Variants in FAM83F observed in about 807,000 individuals in gnomAD.
FAM83F encodes the protein scaffolding CK1 anchoring protein F, also known as protein FAM83F.
A neutral mutation model predicts 42.9 loss-of-function variants in FAM83F; 45 were observed. The observed-to-expected ratio is 1.05, with a 90% CI of 0.83 to 1.35. The LOEUF (loss-of-function observed/expected upper bound fraction) is 1.35. Ranked by LOEUF, FAM83F falls within the 40% of genes most tolerant of loss-of-function variation. FAM83F has a pLI of 0.00. For missense variants in FAM83F, 617 were observed against 695.9 expected (o/e 0.89, Z 1.28); for synonymous variants, 306 against 298.3 (o/e 1.03, Z -0.27).
intron 4 of FAM83F, among the ~76,000 whole-genome samples, chr22:40,024,569 T>C (rs972021565): frequency 2.0e-5 from 3 of 152,226 alleles, no homozygotes; most frequent in Admixed American, 6.5e-5. Flanking sequence ...TGGCTCTCAA[T>C]TCGGGACACA....
chr22:40,003,649 G>A (rs2145709084), intron 1 of FAM83F, among the ~76,000 whole-genome samples: 1 of 152,124 alleles, frequency 6.6e-6, no homozygotes, highest in East Asian at 1.9e-4. Context: ...GCCGGCCTCA[G>A]CTGGAGCTGC....
chr22:40,019,729 G>A (rs746729600), intron 2 of FAM83F, among the ~76,000 whole-genome samples, 158 bp from the exon 3 acceptor site: 1 of 152,186 alleles, frequency 6.6e-6, no homozygotes, highest in Non-Finnish European at 1.5e-5. Flanking sequence ...CGCCAAAGAG[G>A]GTTCCCTATG....
rs142546427 is a variant in FAM83F, at chr22:40,017,026, A to T, written c.490-2142A>T. Reference sequence around the variant, plus strand: ...TTAAAAGGTCTCTGATTCCTCAGATAAAACTTTTTTTTGTTTGTTTTTGTT... The same window carrying T: ...TTAAAAGGTCTCTGATTCCTCAGATTAAACTTTTTTTTGTTTGTTTTTGTT... On this transcript the variant is annotated intron_variant, in intron 1 of 4. Transcript: ENST00000333407. Among the ~76,000 whole-genome samples, 42 of 152,134 alleles carry T rather than the reference A, an allele frequency of 2.8e-4. No homozygotes were observed. The East Asian group carries it at 7.5e-3, about 27-fold the overall frequency.
chr22:40,027,090 A>G (rs138040424), intron 4 of FAM83F, among the ~76,000 whole-genome samples: 44 of 152,110 alleles, frequency 2.9e-4, no homozygotes, highest in African/African-American at 1.1e-3. Context: ...CCTTGCTTTT[A>G]TGGAGCATGT....
rs1279406849 is a variant in FAM83F at position 40,029,666 on chromosome 22, G to A, written c.*101G>A. On this transcript the variant is annotated 3_prime_UTR_variant, in exon 5 of 5. Transcript: ENST00000333407. ...CACTGCACCAGTTTGCACATCAGAC[G>A]CCAACTGGCCTTCTGCCCTGCAGCC... The A allele has an allele frequency of 1.5e-5, 23 of 1,498,842 alleles. No homozygotes were observed. The highest frequency in any genetic ancestry group is 2.8e-5 in the African/African-American group (2 of 72,102). The allele number at this position is 1,498,842 out of a possible 1,614,324, so 92.8% of individuals were successfully genotyped here.
chr22:40,025,335 C>G (rs1203367087), intron 4 of FAM83F, among the ~76,000 whole-genome samples: 1 of 152,192 alleles, frequency 6.6e-6, no homozygotes, highest in African/African-American at 2.4e-5. Context: ...AGGAGGATCA[C>G]TTGAGCCTGG....
Position 40,023,239 on chromosome 22 carries a change from AGTAAGG to A in FAM83F, c.1453+1277_1453+1282del, listed in dbSNP as rs2145721410. Among the ~76,000 whole-genome samples, 1 of 152,306 alleles carries A rather than the reference AGTAAGG, an allele frequency of 6.6e-6. No homozygotes were observed. The highest frequency in any genetic ancestry group is 1.9e-4 in the East Asian group (1 of 5,164). The stretch of plus-strand genomic sequence containing the variant: ...GTGGTCCCAGGTCACAGGAAGTGGT[AGTAAGG>A]CCAGGATTCAAGACCAGGCATGGGC... On this transcript the variant is annotated intron_variant, in intron 4 of 4. Coordinates refer to ENST00000333407, the MANE Select transcript of FAM83F (RefSeq NM_138435.4). This position sits in a 1 kb window ranked among gnomAD's most constrained non-coding sequence, Gnocchi z 4.1.
chr22:40,019,371 G>A (rs1455651793), intron 2 of FAM83F, 36 bp downstream of exon 2: 1 of 1,600,988 alleles, frequency 6.2e-7, no homozygotes, highest in Non-Finnish European at 8.5e-7. Flanking sequence ...GTGGACAGGA[G>A]ATGAGACAGA....
At chr22:40,020,487 C>A (rs1601770380) in intron 3 of FAM83F, among the ~76,000 whole-genome samples, 1 of 151,872 alleles carries the variant, frequency 6.6e-6, no homozygotes, top group East Asian at 1.9e-4. Flanking sequence ...CTCAGCCTCC[C>A]TAGTAGCCGG....
At position 40,043,504 on chromosome 22, in the gene FAM83F, G is replaced by C. The variant is rs532603123; in HGVS notation, c.*13939G>C. 1 of 152,282 alleles carries C rather than the reference G, an allele frequency of 6.6e-6. No individual in the cohort carries two copies. Among genetic ancestry groups the C allele is most frequent in the South Asian group, 2.1e-4 (1 of 4,826 alleles). The allele number at this position is 152,282 out of a possible 1,614,324, so 9.4% of individuals were successfully genotyped here. A position where few individuals can be genotyped will look rare whatever the true frequency, so the allele number is the denominator to read the frequency against. Reference sequence around the variant, plus strand: ...CAGGAGCTGAAGGGCTGTTCTCTTTGCATGCAATAAATTATTCATTTCTAA... The same window carrying C: ...CAGGAGCTGAAGGGCTGTTCTCTTTCCATGCAATAAATTATTCATTTCTAA... On this transcript the variant is annotated 3_prime_UTR_variant, in exon 5 of 5. Transcript: ENST00000333407.
At chr22:40,001,620 C>G (rs1351221960) in intron 1 of FAM83F, among the ~76,000 whole-genome samples, 3 of 151,838 alleles carry the variant, frequency 2.0e-5, no homozygotes, top group African/African-American at 7.3e-5. Flanking sequence ...GCACTCCAGC[C>G]TGGGTGCCAG....
chr22:40,007,541 CCTCCTCTCCTCCTCCT>C (rs1183411925), intron 1 of FAM83F, among the ~76,000 whole-genome samples: 5,674 of 18,614 alleles, frequency 0.3, 1,887 homozygotes, highest in East Asian at 0.41. Flanking sequence ...CTCCTCTCCT[CCTCCTCTCCTCCTCCT>C]CTCCTCTCCT....
Position 40,035,701 on chromosome 22 carries a change from C to T in FAM83F, c.*6136C>T, listed in dbSNP as rs2067619714. 1 of 152,254 alleles carries T rather than the reference C, an allele frequency of 6.6e-6. No individual in the cohort carries two copies. Among genetic ancestry groups the T allele is most frequent in the Non-Finnish European group, 1.5e-5 (1 of 68,070 alleles). 9.4% of individuals were successfully genotyped at this position (152,254 alleles called of 1,614,324 possible). On this transcript the variant is annotated 3_prime_UTR_variant, in exon 5 of 5. Transcript: ENST00000333407. ...CTCTGCCACCGAACAGCTAATGACC[C>T]CAGCAAGCAATTTCACATCCCCGAA... is the stretch of plus-strand genomic sequence containing the variant.
At position 40,021,556 on chromosome 22, in the gene FAM83F, G is replaced by A. The variant is rs375841212; in HGVS notation, c.1046G>A (p.Arg349Gln). ...EMMRWAARQQ[R>Q]EAGGNPEGQE... ...ATGCGCTGGGCTGCCCGGCAACAGC[G>A]GGAGGCGGGCGGCAACCCGGAGGGG... The change falls in exon 4 of 5, where the codon CGG becomes CAG. Residue 349 changes from arginine (R) to glutamine (Q), a missense_variant. Arg to Gln is a conservative substitution (Grantham distance 43, BLOSUM62 1). Coordinates refer to ENST00000333407, the MANE Select transcript of FAM83F (RefSeq NM_138435.4). The surrounding 1 kb of genome is among the most constrained non-coding windows in gnomAD (Gnocchi z 8.7). 5.9e-5 allele frequency: 93 copies of A among 1,565,188 alleles called. 1 individual carries two copies. Among genetic ancestry groups the A allele is most frequent in the African/African-American group, 1.5e-4 (11 of 73,876 alleles).
rs763390156 is a variant in FAM83F at position 40,019,958 on chromosome 22, A to G, written c.729A>G (p.Ser243=). The part of the protein sequence containing the change: ...MPMGRIKGTL[S]SRFLMVDGDK... ...TGGGGAGGATCAAGGGGACCCTGTCATCAAGGTTCCTGATGGTGGACGGTG... is the reference window on the plus strand; with the variant it reads ...TGGGGAGGATCAAGGGGACCCTGTCGTCAAGGTTCCTGATGGTGGACGGTG... The change falls in exon 3 of 5, where the codon TCA becomes TCG. Residue 243 remains serine, a synonymous_variant. Coordinates refer to ENST00000333407, the MANE Select transcript of FAM83F (RefSeq NM_138435.4). 8.7e-6 allele frequency: 14 copies of G among 1,613,474 alleles called. No individual in the cohort carries two copies. Among genetic ancestry groups the G allele is most frequent in the Middle Eastern group, 1.6e-4 (1 of 6,082 alleles).
chr22:39,995,011 GGGGCCA>G lies in FAM83F; in HGVS notation c.-26_-21del, dbSNP rs1006990420. 51 of 1,237,640 alleles carry G rather than the reference GGGGCCA, an allele frequency of 4.1e-5. No homozygotes were observed. The highest frequency in any genetic ancestry group is 4.8e-5 in the Non-Finnish European group (48 of 991,692). 76.7% of individuals were successfully genotyped at this position (1,237,640 alleles called of 1,614,324 possible). A position where few individuals can be genotyped will look rare whatever the true frequency, so the allele number is the denominator to read the frequency against. ...TGGGACCTCGGACCGCGGCGGGGCCGGGGCCAGGGCCGGGGCCGGGGCCGGGGCGCC... is the reference window on the plus strand; with the variant it reads ...TGGGACCTCGGACCGCGGCGGGGCCGGGGCCGGGGCCGGGGCCGGGGCGCC... On this transcript the variant is annotated 5_prime_UTR_variant, in exon 1 of 5. Coordinates refer to ENST00000333407, the MANE Select transcript of FAM83F (RefSeq NM_138435.4). This position sits in a 1 kb window ranked among gnomAD's most constrained non-coding sequence, Gnocchi z 4.6.
intron 1 of FAM83F, among the ~76,000 whole-genome samples, chr22:39,999,498 G>C (rs535519940): frequency 6.6e-6 from 1 of 152,286 alleles, no homozygotes; most frequent in East Asian, 1.9e-4. Flanking sequence ...AGCTCATCTT[G>C]GTTTATCACA....
At position 40,029,863 on chromosome 22, in the gene FAM83F, C is replaced by T. The variant is rs747490952; in HGVS notation, c.*298C>T. On this transcript the variant is annotated 3_prime_UTR_variant, in exon 5 of 5. Transcript: ENST00000333407. ...GCTCGCCTTTGTGCCCCACCCCCTC[C>T]GCTGATTGCCAGATGGGGTGAGGGC... 4.6e-5 allele frequency: 16 copies of T among 345,916 alleles called. No individual in the cohort carries two copies. The highest frequency in any genetic ancestry group is 5.4e-5 in the Non-Finnish European group (10 of 185,694). The allele number at this position is 345,916 out of a possible 1,614,324, so 21.4% of individuals were successfully genotyped here.
chr22:40,006,949 C>G (rs1205078153), intron 1 of FAM83F, among the ~76,000 whole-genome samples: 3 of 152,134 alleles, frequency 2.0e-5, no homozygotes, highest in African/African-American at 7.2e-5. Context: ...GGGCAGGCAC[C>G]AGGCAAGATT....
Sources: allele counts gnomAD v4.1 joint callset (sites outside exome capture counted in the v4.1 genomes callset), GRCh38; gene constraint gnomAD v4.1.1; non-coding constraint Gnocchi (gnomAD v3.1); transcripts MANE v1.5; gene names NCBI Gene and HGNC (gene_info 2026-07-23, HGNC 2026-07-21).